SORCS2: variants seen among roughly 807,000 people sequenced by gnomAD.
The protein encoded by SORCS2 is sortilin related VPS10 domain containing receptor 2, also known as VPS10 domain-containing receptor SorCS2.
Under a neutral mutation model 141.6 loss-of-function variants are expected in SORCS2, and 100 were observed. The ratio of observed to expected loss-of-function variants is 0.71; its 90% CI spans 0.60 to 0.83. The LOEUF (loss-of-function observed/expected upper bound fraction) is 0.83. Ranked by LOEUF, SORCS2 falls within the 40% of genes least tolerant of loss-of-function variation. The pLI is 0.00. For synonymous variants in SORCS2, 789 were observed against 676.9 expected (o/e 1.17, Z -2.57); for missense variants, 1,646 against 1,560.2 (o/e 1.05, Z -0.93).
At chr4:7,428,938 C>T (rs540505228) in intron 2 of SORCS2, among the ~76,000 whole-genome samples, 5 of 152,202 alleles carry the variant, frequency 3.3e-5, no homozygotes, top group Admixed American at 6.5e-5. Flanking sequence ...CTGAGTGAGC[C>T]GAGTGGCTGG....
In SORCS2 at chr4:7,638,466, G is replaced by GTCC. The variant is rs752739132; in HGVS notation, c.790_792dup (p.Leu264dup). The GTCC allele has an allele frequency of 1.5e-5, 24 of 1,610,168 alleles. No individual in the cohort carries two copies. The highest frequency in any genetic ancestry group is 1.2e-4 in the Admixed American group (7 of 59,588). On this transcript the variant is annotated inframe_insertion, in exon 4 of 27. Coordinates refer to ENST00000507866, the MANE Select transcript of SORCS2 (RefSeq NM_020777.3). ...TTTCCACCCTAAGGAGGAGGACAAG[G>GTCC]TCCTCGCCTACACAAAGGAGAGCAA...
chr4:7,689,566 C>T lies in SORCS2; in HGVS notation c.1569C>T (p.Ala523=). 2 of 1,601,454 alleles carry T rather than the reference C, an allele frequency of 1.2e-6. No homozygotes were observed. The highest frequency in any genetic ancestry group is 1.7e-6 in the Non-Finnish European group (2 of 1,174,608). Residue 523 remains alanine, a synonymous_variant, in exon 11 of 27, where the codon GCC becomes GCT. Coordinates refer to ENST00000507866, the MANE Select transcript of SORCS2 (RefSeq NM_020777.3). ...VSGTVHTKDT[A]PGLIMGAGNL... ...GCACCGTGCACACCAAGGACACCGC[C>T]CCAGGCCTCATCATGGGTGCAGGTA...
chr4:7,632,111 T>C (rs540661181), intron 3 of SORCS2, among the ~76,000 whole-genome samples: 47 of 152,278 alleles, frequency 3.1e-4, no homozygotes, highest in African/African-American at 1.1e-3. Flanking sequence ...AGGTATGCTG[T>C]GAATATGTAT....
At chr4:7,583,816 T>A (rs2108763103) in intron 3 of SORCS2, among the ~76,000 whole-genome samples, 1 of 152,370 alleles carries the variant, frequency 6.6e-6, no homozygotes, top group South Asian at 2.1e-4. Context: ...AACAGACTAA[T>A]ACATATGAGC....
intron 1 of SORCS2, among the ~76,000 whole-genome samples, chr4:7,198,865 G>A (rs371192103): frequency 2.6e-5 from 4 of 152,150 alleles, no homozygotes; most frequent in South Asian, 2.1e-4. Context: ...AAGTCTCGGC[G>A]TGCAAACCAC....
chr4:7,587,271 C>T (rs1487752434), intron 3 of SORCS2, among the ~76,000 whole-genome samples: 6 of 152,118 alleles, frequency 3.9e-5, no homozygotes, highest in African/African-American at 1.2e-4. Flanking sequence ...TCAGATCTTG[C>T]GCTAAGCCAC....
intron 1 of SORCS2, among the ~76,000 whole-genome samples, chr4:7,339,505 G>T (rs1720239174): frequency 6.6e-6 from 1 of 152,192 alleles, no homozygotes; most frequent in South Asian, 2.1e-4. Context: ...TGCAACTTCT[G>T]GGGGCTGCTG....
intron 1 of SORCS2, among the ~76,000 whole-genome samples, chr4:7,303,252 G>A (rs987145796): frequency 2.6e-5 from 4 of 152,198 alleles, no homozygotes; most frequent in African/African-American, 7.2e-5. Flanking sequence ...CCACTGAGGC[G>A]TTCCTGGCTT....
chr4:7,347,229 G>C (rs1254607540), intron 1 of SORCS2, among the ~76,000 whole-genome samples: 1 of 152,140 alleles, frequency 6.6e-6, no homozygotes, highest in East Asian at 1.9e-4. Context: ...TCTCAGGTGG[G>C]GCACCTGTGC....
chr4:7,500,475 A>C (rs755125817), intron 2 of SORCS2, among the ~76,000 whole-genome samples: 2 of 151,054 alleles, frequency 1.3e-5, no homozygotes, highest in Non-Finnish European at 3.0e-5. Flanking sequence ...TGAAGGCCTC[A>C]TCTGCTTCTG....
chr4:7,740,135 C>G (rs956098725), intron 26 of SORCS2, 65 bp from the exon 27 acceptor site: 8 of 1,416,636 alleles, frequency 5.6e-6, no homozygotes, highest in Non-Finnish European at 7.8e-6. Flanking sequence ...CGACCGTGTC[C>G]CCTGTGGCCC....
chr4:7,328,387 G>A (rs533704658), intron 1 of SORCS2, among the ~76,000 whole-genome samples: 2 of 152,074 alleles, frequency 1.3e-5, no homozygotes, highest in Admixed American at 1.3e-4. Flanking sequence ...GGCTCTTCTA[G>A]GAGGCAGGAG....
intron 2 of SORCS2, among the ~76,000 whole-genome samples, chr4:7,517,305 C>T (rs1733051362): frequency 6.6e-6 from 1 of 152,202 alleles, no homozygotes; most frequent in Non-Finnish European, 1.5e-5. Flanking sequence ...GAAGCATCCT[C>T]TAAGCTTTCC....
At chr4:7,689,612 G>C in intron 11 of SORCS2, 24 bp downstream of exon 11, 1 of 1,553,604 alleles carries the variant, frequency 6.4e-7, no homozygotes, top group Non-Finnish European at 8.7e-7. Flanking sequence ...ATCACAGGTG[G>C]CTGGCAGGTG....
intron 2 of SORCS2, among the ~76,000 whole-genome samples, chr4:7,428,615 A>C (rs1463065143): frequency 6.6e-6 from 1 of 152,144 alleles, no homozygotes; most frequent in Non-Finnish European, 1.5e-5. Flanking sequence ...CCTGAACCGC[A>C]GGAGGGACTG....
chr4:7,437,279 G>A (rs1424619165), intron 2 of SORCS2, among the ~76,000 whole-genome samples: 5 of 152,142 alleles, frequency 3.3e-5, no homozygotes, highest in African/African-American at 7.2e-5. Context: ...TCAGGAGACC[G>A]TTTGCTTACA....
intron 3 of SORCS2, among the ~76,000 whole-genome samples, chr4:7,579,882 C>T (rs1345556995): frequency 2.0e-5 from 3 of 152,088 alleles, no homozygotes; most frequent in Non-Finnish European, 4.4e-5. Flanking sequence ...GGAAGGCTTC[C>T]TGGAAGCAGA....
At chr4:7,496,277 G>T (rs1331581486) in intron 2 of SORCS2, among the ~76,000 whole-genome samples, 2 of 149,838 alleles carry the variant, frequency 1.3e-5, no homozygotes, top group Non-Finnish European at 3.0e-5. Flanking sequence ...TAGATAAGGA[G>T]CTAGAAGCCT....
chr4:7,518,276 C>CA (rs1733110949), intron 2 of SORCS2, among the ~76,000 whole-genome samples: 1 of 152,186 alleles, frequency 6.6e-6, no homozygotes. Context: ...TTCCAGGTCA[C>CA]AGGGTGGGTT....
Sources: gnomAD v4.1 joint callset for allele counts (sites outside exome capture counted in the v4.1 genomes callset) on GRCh38, gnomAD v4.1.1 for gene constraint, MANE v1.5 for transcripts, NCBI Gene and HGNC (gene_info 2026-07-23, HGNC 2026-07-21) for gene names.